MYLK4: variants seen among roughly 807,000 people sequenced by gnomAD.
The protein encoded by MYLK4 is caMLCK like.
A neutral mutation model predicts 48.1 loss-of-function variants in MYLK4; 46 were observed. That is an observed-to-expected ratio of 0.96 (90% CI 0.75 to 1.22). MYLK4 has a LOEUF of 1.22. Among genes scored for constraint, MYLK4 ranks in the 50% most tolerant of loss-of-function variants. MYLK4 has a pLI of 0.00. For synonymous variants in MYLK4, 170 were observed against 180.8 expected (o/e 0.94, Z 0.48); for missense variants, 451 against 486.1 (o/e 0.93, Z 0.68).
chr6:2,744,072 A>G, intron 2 of MYLK4: 1 of 399,020 alleles, frequency 2.5e-6, no homozygotes, highest in Non-Finnish European at 4.4e-6. Flanking sequence ...CTTGGCTTAT[A>G]TGTTCCTTCC....
intron 6 of MYLK4, among the ~76,000 whole-genome samples, chr6:2,684,033 C>T (rs1206812318): frequency 3.9e-5 from 6 of 152,050 alleles, no homozygotes; most frequent in African/African-American, 9.7e-5. Flanking sequence ...CATATAACTC[C>T]GATACAGTTT....
At chr6:2,696,129 T>A (rs956430118) in intron 2 of MYLK4, among the ~76,000 whole-genome samples, 1 of 152,240 alleles carries the variant, frequency 6.6e-6, no homozygotes, top group Non-Finnish European at 1.5e-5. Flanking sequence ...GGATGTAGAA[T>A]GACACAGGGA....
intron 2 of MYLK4, among the ~76,000 whole-genome samples, chr6:2,715,821 G>A (rs566396243): frequency 1.3e-5 from 2 of 152,358 alleles, no homozygotes; most frequent in East Asian, 3.9e-4. Context: ...CCTGCCAGAG[G>A]AGATGAAATG....
intron 6 of MYLK4, among the ~76,000 whole-genome samples, chr6:2,683,427 G>GTGTGTGTGTGTA (rs1761404437): frequency 7.0e-6 from 1 of 142,400 alleles, no homozygotes; most frequent in Non-Finnish European, 1.5e-5. Context: ...GTGTGTGTGT[G>GTGTGTGTGTGTA]TGTGTGTTTT....
intron 2 of MYLK4, among the ~76,000 whole-genome samples, chr6:2,744,774 G>A (rs1010875560): frequency 1.3e-5 from 2 of 152,164 alleles, no homozygotes; most frequent in African/African-American, 4.8e-5. Flanking sequence ...CCACAGCTTT[G>A]GGATACCCCC....
intron 3 of MYLK4, 41 bp downstream of exon 3, chr6:2,692,743 C>G (rs769421263): frequency 9.6e-6 from 15 of 1,568,704 alleles, no homozygotes; most frequent in African/African-American, 2.7e-5. Flanking sequence ...TATAACGGAA[C>G]TTTCTTCATC....
At chr6:2,703,354 T>A (rs1479995328) in intron 2 of MYLK4, among the ~76,000 whole-genome samples, 1 of 152,214 alleles carries the variant, frequency 6.6e-6, no homozygotes, top group Non-Finnish European at 1.5e-5. Flanking sequence ...AAGTTCATTA[T>A]TAGGTACGGA....
upstream of MYLK4, among the ~76,000 whole-genome samples, chr6:2,751,794 C>T (rs1764294458): frequency 1.3e-5 from 2 of 152,036 alleles, no homozygotes; most frequent in Admixed American, 1.3e-4. Context: ...AATAAAAATA[C>T]ATATTTTTCC....
chr6:2,745,920 G>A (rs1582129735), intron 2 of MYLK4, among the ~76,000 whole-genome samples: 1 of 146,014 alleles, frequency 6.8e-6, no homozygotes, highest in African/African-American at 2.5e-5. Context: ...GTGAGAAGCT[G>A]TCTCAAAAAA....
the MYLK4 span, chr6:2,766,122 A>AGGC: frequency 7.6e-7 from 1 of 1,322,896 alleles, no homozygotes; most frequent in Non-Finnish European, 9.6e-7. Flanking sequence ...GAGGAGGAGG[A>AGGC]GGCCGTGGGC....
intron 2 of MYLK4, among the ~76,000 whole-genome samples, chr6:2,737,944 A>C: frequency 8.6e-6 from 1 of 115,722 alleles, no homozygotes; most frequent in Non-Finnish European, 1.7e-5. Flanking sequence ...ACTGCTTTAT[A>C]CAACAACTCT....
chr6:2,702,309 A>G (rs893423284), intron 2 of MYLK4, among the ~76,000 whole-genome samples: 1 of 152,222 alleles, frequency 6.6e-6, no homozygotes, highest in African/African-American at 2.4e-5. Flanking sequence ...AGAATTAGGA[A>G]TGTATTCTGA....
intron 2 of MYLK4, among the ~76,000 whole-genome samples, chr6:2,737,304 G>A (rs776409356): frequency 2.0e-5 from 3 of 152,186 alleles, no homozygotes; most frequent in Non-Finnish European, 2.9e-5. Context: ...AGAGCGAGAC[G>A]CCATCTCAGA....
intron 12 of MYLK4, among the ~76,000 whole-genome samples, chr6:2,670,931 G>A (rs533527985): frequency 3.3e-4 from 50 of 152,046 alleles, no homozygotes; most frequent in African/African-American, 2.7e-4. Context: ...ACACATTGTC[G>A]TAAGGACTAC....
intron 2 of MYLK4, among the ~76,000 whole-genome samples, chr6:2,705,428 T>C (rs1180916745): frequency 6.6e-6 from 1 of 152,200 alleles, no homozygotes; most frequent in East Asian, 1.9e-4. Context: ...GATGGGGGTA[T>C]ACAGAGTCTG....
At chr6:2,765,805 C>G in the MYLK4 span, 1 of 1,370,534 alleles carries the variant, frequency 7.3e-7, no homozygotes, top group Admixed American at 3.4e-5. Flanking sequence ...GGGAGCGGGC[C>G]AAGGGGCCCT....
rs1461051546 is a variant in MYLK4 at position 2,733,817 on chromosome 6, GCA to G, written c.159+15317_159+15318del. Among the ~76,000 whole-genome samples the G allele has an allele frequency of 2.6e-5, 4 of 152,204 alleles. No individual in the cohort carries two copies. The East Asian group carries it at 7.7e-4, about 29-fold the overall frequency. Reference sequence around the variant, plus strand: ...TGAGACCCCTGGAGGGTTATCCAAAGCACAGATTCCCAAGCTTCGCCCGCGGA... The same window carrying G: ...TGAGACCCCTGGAGGGTTATCCAAAGCAGATTCCCAAGCTTCGCCCGCGGA... On this transcript the variant is annotated intron_variant, in intron 2 of 12. Coordinates refer to ENST00000274643, the MANE Select transcript of MYLK4 (RefSeq NM_001012418.5).
intron 6 of MYLK4, among the ~76,000 whole-genome samples, chr6:2,684,213 C>A (rs555574258): frequency 1.4e-4 from 21 of 152,236 alleles, no homozygotes; most frequent in African/African-American, 5.1e-4. Flanking sequence ...AATCTGATGA[C>A]CCGGTCGGCT....
At chr6:2,767,071 C>T in the MYLK4 span, among the ~76,000 whole-genome samples, 5 of 152,186 alleles carry the variant, frequency 3.3e-5, no homozygotes, top group African/African-American at 1.2e-4. Flanking sequence ...TCCGGTATTT[C>T]CGTAACTTTT....
Sources: gnomAD v4.1 joint callset for allele counts (sites outside exome capture counted in the v4.1 genomes callset) on GRCh38, gnomAD v4.1.1 for gene constraint, MANE v1.5 for transcripts, NCBI Gene and HGNC (gene_info 2026-07-23, HGNC 2026-07-21) for gene names.